Variants in C2CD2 observed in about 807,000 individuals in gnomAD.
C2CD2 encodes the protein C2 calcium dependent domain containing 2.
A neutral mutation model predicts 74.3 loss-of-function variants in C2CD2; 43 were observed. The ratio of observed to expected loss-of-function variants is 0.58; its 90% CI spans 0.45 to 0.75. The LOEUF is 0.75. Ranked by LOEUF, C2CD2 falls within the 30% of genes least tolerant of loss-of-function variation. C2CD2 has a pLI of 0.00. For synonymous variants in C2CD2, 422 were observed against 390.7 expected (o/e 1.08, Z -0.94); for missense variants, 801 against 916.3 (o/e 0.87, Z 1.63).
chr21:41,916,146 G>A (rs543341540), intron 5 of C2CD2, among the ~76,000 whole-genome samples: 3 of 152,250 alleles, frequency 2.0e-5, no homozygotes, highest in Non-Finnish European at 4.4e-5. Flanking sequence ...CCAAGGACAT[G>A]AGCACTGGGG....
At position 41,900,252 on chromosome 21, in the gene C2CD2, T is replaced by A. The variant is rs1221416192; in HGVS notation, c.1561-890A>T. Among the ~76,000 whole-genome samples the A allele has an allele frequency of 2.6e-5, 4 of 152,040 alleles. 1 individual carries two copies. The highest frequency in any genetic ancestry group is 9.7e-5 in the African/African-American group (4 of 41,374). On this transcript the variant is annotated intron_variant, in intron 12 of 13. Coordinates refer to ENST00000380486, the MANE Select transcript of C2CD2 (RefSeq NM_015500.2). ...TTACGCCACTGCACTCCAGCCTGGG[T>A]GACAGAGCGAGACTCCGTCTCAAAA...
chr21:41,919,795 C>G (rs7282731), intron 3 of C2CD2, among the ~76,000 whole-genome samples: 4,371 of 152,246 alleles, frequency 0.029, 220 homozygotes, highest in African/African-American at 0.1. Flanking sequence ...CAAAGATGTT[C>G]ACCCCCTAAT....
Position 41,904,859 on chromosome 21 carries a change from G to A in C2CD2, c.1432+865C>T, listed in dbSNP as rs117541399. ...ATTGCCCCTGAGAGCAGGTCACGAG[G>A]AGGCAAAGGGAGAAAGTTAATCCCC... is the stretch of plus-strand genomic sequence containing the variant. On this transcript the variant is annotated intron_variant, in intron 11 of 13. Transcript: ENST00000380486. Among the ~76,000 whole-genome samples, 220 of 152,346 alleles carry A rather than the reference G, an allele frequency of 1.4e-3. 4 individuals carry two copies. In the East Asian group the frequency reaches 0.038, roughly 26 times the overall value.
chr21:41,941,921 C>T (rs1176075984), intron 2 of C2CD2, among the ~76,000 whole-genome samples: 7 of 152,146 alleles, frequency 4.6e-5, no homozygotes, highest in African/African-American at 7.2e-5. Context: ...TCATCCGCAC[C>T]GGAGCGAGTG....
chr21:41,930,685 G>A (rs1206774664), intron 2 of C2CD2, among the ~76,000 whole-genome samples: 1 of 148,280 alleles, frequency 6.7e-6, no homozygotes, highest in Non-Finnish European at 1.5e-5. Context: ...CTGGGCAAGA[G>A]AGTGAGATTC....
chr21:41,945,638 G>A lies in C2CD2; in HGVS notation c.280-3393C>T, dbSNP rs1456234454. 1.3e-5 allele frequency among the ~76,000 whole-genome samples: 2 copies of A among 152,188 alleles called. No individual in the cohort carries two copies. The highest frequency in any genetic ancestry group is 2.9e-5 in the Non-Finnish European group (2 of 68,036). ...TTGTAACCACCATGTGTCAAGAGAG[G>A]GACCTGTAATCCTCACCTGCAGAGG... On this transcript the variant is annotated intron_variant, in intron 1 of 13. Coordinates refer to ENST00000380486, the MANE Select transcript of C2CD2 (RefSeq NM_015500.2). This position sits in a 1 kb window ranked among gnomAD's most constrained non-coding sequence, Gnocchi z 4.2.
intron 11 of C2CD2, among the ~76,000 whole-genome samples, chr21:41,904,146 C>T (rs7282728): frequency 0.73 from 111,440 of 152,050 alleles, 41,582 homozygotes; most frequent in African/African-American, 0.87. Flanking sequence ...AAAACCAAGA[C>T]GGCAATGAGA....
chr21:41,930,670 C>T (rs2065254383), intron 2 of C2CD2, among the ~76,000 whole-genome samples: 1 of 149,150 alleles, frequency 6.7e-6, no homozygotes. Context: ...CCACTGCACT[C>T]CAGCCTGGGC....
chr21:41,918,681 C>CT lies in C2CD2; in HGVS notation c.597+174_597+175insA, dbSNP rs145616118. Among the ~76,000 whole-genome samples, 651 of 152,270 alleles carry CT rather than the reference C, an allele frequency of 4.3e-3. 8 individuals carry two copies. The highest frequency in any genetic ancestry group is 0.014 in the African/African-American group (587 of 41,552). ...AAAGCCATCCCCCAGCAGGCCCTGC[C>CT]AAGCCAAAGGGCCCATCCACATCCT... On this transcript the variant is annotated intron_variant, in intron 4 of 13. Coordinates refer to ENST00000380486, the MANE Select transcript of C2CD2 (RefSeq NM_015500.2).
At chr21:41,942,756 C>T (rs59409903) in intron 1 of C2CD2, among the ~76,000 whole-genome samples, 3,457 of 152,180 alleles carry the variant, frequency 0.023, 130 homozygotes, top group African/African-American at 0.079. Flanking sequence ...CTTAGGGTGC[C>T]CCCCATTCTC....
In C2CD2 at chr21:41,895,233, G is replaced by A. The variant is rs1569054649; in HGVS notation, c.1870+3820C>T. Among the ~76,000 whole-genome samples the A allele has an allele frequency of 6.6e-6, 1 of 152,150 alleles. No homozygotes were observed. Among genetic ancestry groups the A allele is most frequent in the African/African-American group, 2.4e-5 (1 of 41,416 alleles). On this transcript the variant is annotated intron_variant, in intron 13 of 13. Transcript: ENST00000380486. This position sits in a 1 kb window ranked among gnomAD's most constrained non-coding sequence, Gnocchi z 5.0. ...GTCTCTGGCCTGCTGCCTGCCCTGC[G>A]GATTTCAGACCTGTCAATCTCATGA... is the stretch of plus-strand genomic sequence containing the variant.
chr21:41,931,180 C>G (rs1012172102), intron 2 of C2CD2, among the ~76,000 whole-genome samples: 1 of 150,486 alleles, frequency 6.6e-6, no homozygotes, highest in African/African-American at 2.4e-5. Context: ...TCTGCTGCCT[C>G]CAAGCCAGCC....
intron 2 of C2CD2, among the ~76,000 whole-genome samples, chr21:41,935,461 G>C (rs2065299126): frequency 1.3e-5 from 2 of 152,198 alleles, no homozygotes; most frequent in East Asian, 3.8e-4. Context: ...GTTTGAGACA[G>C]AATGGAACCA....
intron 5 of C2CD2, among the ~76,000 whole-genome samples, chr21:41,917,410 A>C (rs1454667393): frequency 6.6e-6 from 1 of 152,230 alleles, no homozygotes; most frequent in Non-Finnish European, 1.5e-5. Flanking sequence ...TATTTTTTAA[A>C]CTTCAGGGAC....
intron 8 of C2CD2, chr21:41,908,031 C>CGG: frequency 2.0e-6 from 1 of 498,070 alleles, no homozygotes; most frequent in Non-Finnish European, 3.6e-6. Context: ...GGCCCTGTGC[C>CGG]GGAGTGGAAA....
In C2CD2 at chr21:41,887,284, C is replaced by CT. The variant is rs998712060; in HGVS notation, c.*1839dup. 2.0e-5 allele frequency: 3 copies of CT among 152,204 alleles called. No individual in the cohort carries two copies. The highest frequency in any genetic ancestry group is 2.4e-5 in the African/African-American group (1 of 41,526). 9.4% of individuals were successfully genotyped at this position (152,204 alleles called of 1,614,324 possible). A position where few individuals can be genotyped will look rare whatever the true frequency, so the allele number is the denominator to read the frequency against. Reference sequence around the variant, plus strand: ...TTCACATGTTTTGAAACTCCAGGTGCTTTTTTTACAATGATTAAAACTGGA... The same window carrying CT: ...TTCACATGTTTTGAAACTCCAGGTGCTTTTTTTTACAATGATTAAAACTGGA... On this transcript the variant is annotated 3_prime_UTR_variant, in exon 14 of 14. Coordinates refer to ENST00000380486, the MANE Select transcript of C2CD2 (RefSeq NM_015500.2).
intron 5 of C2CD2, among the ~76,000 whole-genome samples, chr21:41,915,801 C>T (rs536505390): frequency 6.6e-6 from 1 of 151,764 alleles, no homozygotes; most frequent in South Asian, 2.1e-4. Flanking sequence ...TTTTTCTTTC[C>T]TTTTCTAATT....
chr21:41,947,137 T>TCTCTCTCCCTCC (rs778013814), intron 1 of C2CD2, among the ~76,000 whole-genome samples: 2 of 25,638 alleles, frequency 7.8e-5, no homozygotes, highest in African/African-American at 3.2e-4. Context: ...TCTCTCTCTC[T>TCTCTCTCCCTCC]CTCCCTCCCT....
Position 41,895,918 on chromosome 21 carries a change from T to C in C2CD2, c.1870+3135A>G, listed in dbSNP as rs1279768035. Among the ~76,000 whole-genome samples the C allele has an allele frequency of 1.3e-5, 2 of 152,202 alleles. No individual in the cohort carries two copies. Among genetic ancestry groups the C allele is most frequent in the African/African-American group, 2.4e-5 (1 of 41,456 alleles). On this transcript the variant is annotated intron_variant, in intron 13 of 13. Coordinates refer to ENST00000380486, the MANE Select transcript of C2CD2 (RefSeq NM_015500.2). The surrounding 1 kb of genome is among the most constrained non-coding windows in gnomAD (Gnocchi z 5.0). ...CAGATGGTCCGTTGATAGAAGCGAC[T>C]ACTTTTTAGCTCTGGAGGACGACAA...
Sources: allele counts gnomAD v4.1 joint callset (sites outside exome capture counted in the v4.1 genomes callset), GRCh38; gene constraint gnomAD v4.1.1; non-coding constraint Gnocchi (gnomAD v3.1); transcripts MANE v1.5; gene names NCBI Gene and HGNC (gene_info 2026-07-23, HGNC 2026-07-21).